The following ATXN1 variants were observed in gnomAD, a reference collection of about 807,000 sequenced individuals.
The protein encoded by ATXN1 is ataxin-1.
A neutral mutation model predicts 56.4 loss-of-function variants in ATXN1; 8 were observed. The ratio of observed to expected loss-of-function variants is 0.14; its 90% CI spans 0.08 to 0.26. The LOEUF (loss-of-function observed/expected upper bound fraction) is 0.26, where lower values mean the gene tolerates loss of function less well. Ranked by LOEUF, ATXN1 falls within the 10% of genes least tolerant of loss-of-function variation. ATXN1 has a pLI of 1.00. For synonymous variants in ATXN1, 514 were observed against 494.6 expected, an observed-to-expected ratio of 1.04 and a Z score of -0.52; for missense variants, 987 against 1,106.5, an observed-to-expected ratio of 0.89 and a Z score of 1.53.
intron 6 of ATXN1, among the ~76,000 whole-genome samples, chr6:16,396,013 CAAAAAAAA>C (rs59358244): frequency 1.4e-4 from 6 of 42,238 alleles, no homozygotes; most frequent in African/African-American, 3.8e-4. Flanking sequence ...GACTCCGTCT[CAAAAAAAA>C]AAAAAAAAAA....
chr6:16,588,624 G>A (rs150756146), intron 3 of ATXN1, among the ~76,000 whole-genome samples: 3 of 152,206 alleles, frequency 2.0e-5, no homozygotes, highest in African/African-American at 7.2e-5. Context: ...TTTTTTGGTT[G>A]ATTCATTGAT....
intron 6 of ATXN1, among the ~76,000 whole-genome samples, chr6:16,348,326 T>C (rs1581706064): frequency 1.3e-5 from 2 of 152,182 alleles, no homozygotes; most frequent in Admixed American, 1.3e-4. Flanking sequence ...TGGCTTTCCA[T>C]AGTGTTAGAA....
chr6:16,637,158 A>G (rs1293362890), intron 3 of ATXN1, among the ~76,000 whole-genome samples: 1 of 152,194 alleles, frequency 6.6e-6, no homozygotes, highest in Non-Finnish European at 1.5e-5. Context: ...ATGGAATACT[A>G]TGTAGCCATA....
chr6:16,501,124 C>CGCATGCACACAT (rs1482417304), intron 5 of ATXN1, among the ~76,000 whole-genome samples: 1 of 152,206 alleles, frequency 6.6e-6, no homozygotes, highest in Non-Finnish European at 1.5e-5. Flanking sequence ...CACATATGCA[C>CGCATGCACACAT]GCATGCACAC....
At chr6:16,434,989 G>A (rs1759358425) in intron 6 of ATXN1, among the ~76,000 whole-genome samples, 1 of 152,192 alleles carries the variant, frequency 6.6e-6, no homozygotes, top group African/African-American at 2.4e-5. Flanking sequence ...CCGGAAGAGA[G>A]AGAGTGCATT....
chr6:16,432,245 T>C (rs1176182223), intron 6 of ATXN1, among the ~76,000 whole-genome samples: 1 of 152,214 alleles, frequency 6.6e-6, no homozygotes, highest in East Asian at 1.9e-4. Flanking sequence ...ACTCGTTAAA[T>C]TGACCCTGCA....
At chr6:16,655,216 C>T (rs1312634813) in intron 3 of ATXN1, among the ~76,000 whole-genome samples, 1 of 152,138 alleles carries the variant, frequency 6.6e-6, no homozygotes, top group Non-Finnish European at 1.5e-5. Context: ...AAGCCTATCT[C>T]ACTTATTTGG....
chr6:16,334,780 G>A (rs1310420825), intron 6 of ATXN1, among the ~76,000 whole-genome samples: 3 of 152,124 alleles, frequency 2.0e-5, no homozygotes, highest in East Asian at 1.9e-4. Context: ...TAGATGGCAC[G>A]GGTAAAGCCA....
At chr6:16,347,784 A>G (rs6916602) in intron 6 of ATXN1, among the ~76,000 whole-genome samples, 47,437 of 152,128 alleles carry the variant, frequency 0.31, 11,470 homozygotes, top group East Asian at 0.82. Context: ...CAATCAGCAG[A>G]ACATGGGTAG....
At chr6:16,349,374 G>C (rs1201865433) in intron 6 of ATXN1, among the ~76,000 whole-genome samples, 1 of 152,164 alleles carries the variant, frequency 6.6e-6, no homozygotes, top group Admixed American at 6.5e-5. Context: ...ATGGTGGCAC[G>C]TGCCTGTAGT....
intron 6 of ATXN1, among the ~76,000 whole-genome samples, chr6:16,334,567 AT>A (rs1176629033): frequency 6.6e-6 from 1 of 152,074 alleles, no homozygotes; most frequent in Non-Finnish European, 1.5e-5. Context: ...AATAAAAAAA[AT>A]TAGCTAGGCA....
chr6:16,728,460 G>A (rs753024094), intron 2 of ATXN1, among the ~76,000 whole-genome samples: 2 of 152,154 alleles, frequency 1.3e-5, no homozygotes, highest in African/African-American at 2.4e-5. Context: ...GGCAACATCT[G>A]GGATGTAGGA....
At chr6:16,545,497 C>T (rs1484167788) in intron 4 of ATXN1, among the ~76,000 whole-genome samples, 1 of 152,030 alleles carries the variant, frequency 6.6e-6, no homozygotes, top group East Asian at 1.9e-4. Context: ...ACCACAAGTT[C>T]AAATGCCATC....
At chr6:16,372,930 T>TAAAC (rs1392761982) in intron 6 of ATXN1, among the ~76,000 whole-genome samples, 39 of 144,396 alleles carry the variant, frequency 2.7e-4, no homozygotes, top group South Asian at 4.3e-4. Flanking sequence ...AATAAATAAA[T>TAAAC]AAATAAACAA....
rs77585905 is a variant in ATXN1, at chr6:16,539,371, A to G, written c.-360-16683T>C. Among the ~76,000 whole-genome samples the G allele has an allele frequency of 6.8e-3, 1,030 of 152,290 alleles. 2 individuals are homozygous for G. Among genetic ancestry groups the G allele is most frequent in the Admixed American group, 0.011 (173 of 15,310 alleles). ...ACCCAGCCAACTAGCTCAGAGGCCT[A>G]TGTATTTTGCTCTGAACTTCACACT... On this transcript the variant is annotated intron_variant, in intron 4 of 7. Coordinates refer to ENST00000436367, the MANE Select transcript of ATXN1 (RefSeq NM_001128164.2).
chr6:16,351,105 G>A (rs540736586), intron 6 of ATXN1, among the ~76,000 whole-genome samples: 16 of 152,014 alleles, frequency 1.1e-4, no homozygotes, highest in Non-Finnish European at 2.4e-4. Flanking sequence ...TAAAGAAAAT[G>A]GAGATAATAA....
chr6:16,667,917 C>G (rs1275890500), intron 2 of ATXN1, among the ~76,000 whole-genome samples: 1 of 152,168 alleles, frequency 6.6e-6, no homozygotes, highest in African/African-American at 2.4e-5. Context: ...TTTCTATAAC[C>G]ACTGCAGCTC....
chr6:16,643,938 T>G (rs1018247303), intron 3 of ATXN1, among the ~76,000 whole-genome samples: 1 of 152,148 alleles, frequency 6.6e-6, no homozygotes, highest in South Asian at 2.1e-4. Context: ...TGATAACAAA[T>G]ACTTTGGAAA....
At chr6:16,371,092 C>T (rs189155146) in intron 6 of ATXN1, among the ~76,000 whole-genome samples, 38 of 152,140 alleles carry the variant, frequency 2.5e-4, no homozygotes, top group Admixed American at 7.2e-4. Context: ...TGCTTTCACA[C>T]CAACTAGAAT....
Sources: allele counts gnomAD v4.1 joint callset (sites outside exome capture counted in the v4.1 genomes callset), GRCh38; gene constraint gnomAD v4.1.1; transcripts MANE v1.5; gene names NCBI Gene and HGNC (gene_info 2026-07-23, HGNC 2026-07-21).